FOXK1: variants seen among roughly 807,000 people sequenced by gnomAD.
FOXK1 encodes the protein forkhead box K1.
In FOXK1, 19 loss-of-function variants were observed where a neutral mutation model predicts 51.9. The observed-to-expected ratio is 0.37, with a 90% CI of 0.26 to 0.54. The LOEUF (loss-of-function observed/expected upper bound fraction) is 0.54, where lower values mean the gene tolerates loss of function less well. Ranked by LOEUF, FOXK1 falls within the 20% of genes least tolerant of loss-of-function variation. The pLI is 0.87. For synonymous variants in FOXK1, 537 were observed against 482.6 expected, an observed-to-expected ratio of 1.11 and a Z score of -1.48; for missense variants, 870 against 1,032.7, an observed-to-expected ratio of 0.84 and a Z score of 2.16.
At position 4,713,321 on chromosome 7, in the gene FOXK1, G is replaced by A. The variant is rs537008276; in HGVS notation, c.561-27517G>A. 3.7e-4 allele frequency among the ~76,000 whole-genome samples: 56 copies of A among 152,148 alleles called. 1 individual carries two copies. Among genetic ancestry groups the A allele is most frequent in the African/African-American group, 1.1e-3 (44 of 41,498 alleles). On this transcript the variant is annotated intron_variant, in intron 1 of 8. Coordinates refer to ENST00000328914, the MANE Select transcript of FOXK1 (RefSeq NM_001037165.2). ...GGGGTTGGGGCGGGCTGGGATTCCC[G>A]CTCACTGAGATTCCCGCTCACTGGG...
intron 2 of FOXK1, among the ~76,000 whole-genome samples, chr7:4,744,573 G>C (rs946699584): frequency 6.6e-6 from 1 of 152,224 alleles, no homozygotes; most frequent in African/African-American, 2.4e-5. Context: ...TGCTGCCCAG[G>C]TCAAGATTTC....
intron 1 of FOXK1, among the ~76,000 whole-genome samples, chr7:4,697,741 CTGTGTGTGTGTGTGTGTGTGTG>C (rs57978112): frequency 5.2e-5 from 7 of 135,692 alleles, no homozygotes; most frequent in South Asian, 2.6e-4. Context: ...GAAAGATAGG[CTGTGTGTGTGTGTGTGTGTGTG>C]TGTGTGTGTG....
intron 7 of FOXK1, among the ~76,000 whole-genome samples, chr7:4,760,728 G>A (rs1780920256): frequency 6.6e-6 from 1 of 152,104 alleles, no homozygotes. Context: ...GCAGGCGCCT[G>A]TAGTCCCAGC....
chr7:4,741,827 G>T (rs564726212), intron 2 of FOXK1, among the ~76,000 whole-genome samples: 10 of 152,358 alleles, frequency 6.6e-5, no homozygotes, highest in Admixed American at 2.0e-4. Context: ...TATAAACAGA[G>T]CTCTGTGTAG....
At position 4,711,246 on chromosome 7, in the gene FOXK1, G is replaced by C. The variant is rs902474082; in HGVS notation, c.560+28378G>C. Among the ~76,000 whole-genome samples the C allele has an allele frequency of 2.0e-5, 3 of 152,154 alleles. No individual in the cohort carries two copies. Among genetic ancestry groups the C allele is most frequent in the African/African-American group, 7.2e-5 (3 of 41,436 alleles). ...TGTGCCCTCCTGGGTCCCGACACCTGGGGGTGTTTTCACAGGGTGGGAAGG... is the reference window on the plus strand; with the variant it reads ...TGTGCCCTCCTGGGTCCCGACACCTCGGGGTGTTTTCACAGGGTGGGAAGG... On this transcript the variant is annotated intron_variant, in intron 1 of 8. Coordinates refer to ENST00000328914, the MANE Select transcript of FOXK1 (RefSeq NM_001037165.2). The surrounding 1 kb of genome is among the most constrained non-coding windows in gnomAD (Gnocchi z 6.3).
intron 3 of FOXK1, chr7:4,754,879 C>T (rs780166159): frequency 9.2e-5 from 54 of 585,672 alleles, no homozygotes; most frequent in Non-Finnish European, 1.3e-4. Context: ...GTTCATCTGC[C>T]GCTGGCAGCC....
intron 5 of FOXK1, 75 bp downstream of exon 5, chr7:4,757,262 C>T: frequency 4.5e-6 from 6 of 1,324,882 alleles, no homozygotes; most frequent in South Asian, 1.4e-5. Flanking sequence ...ATACGTGGCG[C>T]AGTCAGCCCT....
intron 1 of FOXK1, among the ~76,000 whole-genome samples, chr7:4,720,940 C>G (rs1306822525): frequency 6.6e-6 from 1 of 151,898 alleles, no homozygotes; most frequent in Non-Finnish European, 1.5e-5. Flanking sequence ...AAACTCAACA[C>G]ACGTGTTAGT....
Position 4,748,795 on chromosome 7 carries a change from C to T in FOXK1, c.747-5664C>T, listed in dbSNP as rs1780737628. 1.3e-5 allele frequency among the ~76,000 whole-genome samples: 2 copies of T among 152,242 alleles called. No individual in the cohort carries two copies. Among genetic ancestry groups the T allele is most frequent in the Admixed American group, 6.5e-5 (1 of 15,288 alleles). The stretch of plus-strand genomic sequence containing the variant: ...CTGGGCTCAAGCGAGCCTCCTGCCT[C>T]AGCCTCCCGAGTAGTAGGGACTACA... On this transcript the variant is annotated intron_variant, in intron 2 of 8. Transcript: ENST00000328914. This position sits in a 1 kb window ranked among gnomAD's most constrained non-coding sequence, Gnocchi z 4.9.
At chr7:4,695,611 G>T (rs1779941713) in intron 1 of FOXK1, among the ~76,000 whole-genome samples, 1 of 152,128 alleles carries the variant, frequency 6.6e-6, no homozygotes, top group Non-Finnish European at 1.5e-5. Context: ...ACACCACCCT[G>T]GCCAACATGG....
Position 4,762,250 on chromosome 7 carries a change from G to A in FOXK1, c.1988G>A (p.Arg663Gln), listed in dbSNP as rs370322820. 49 of 1,552,066 alleles carry A rather than the reference G, an allele frequency of 3.2e-5. No individual in the cohort carries two copies. Among genetic ancestry groups the A allele is most frequent in the Non-Finnish European group, 4.0e-5 (46 of 1,147,470 alleles). Reference sequence around the variant, plus strand: ...TCATCCGCGCCGGTGGTGGTCACCCGGGTGTGCGAGGTGGGGCCCAAGGAG... The same window carrying A: ...TCATCCGCGCCGGTGGTGGTCACCCAGGTGTGCGAGGTGGGGCCCAAGGAG... Reference protein sequence around the residue: ...ASSSAPVVVTRVCEVGPKEPA... With the variant: ...ASSSAPVVVTQVCEVGPKEPA... Residue 663 changes from arginine (R) to glutamine (Q), a missense_variant, in exon 9 of 9, where the codon CGG becomes CAG. Arg to Gln is a conservative substitution (Grantham distance 43). Coordinates refer to ENST00000328914, the MANE Select transcript of FOXK1 (RefSeq NM_001037165.2). This position sits in a 1 kb window ranked among gnomAD's most constrained non-coding sequence, Gnocchi z 5.7.
In FOXK1 at chr7:4,761,156, C is replaced by A; in HGVS notation, c.1789C>A (p.Pro597Thr). 1 of 1,612,824 alleles carries A rather than the reference C, an allele frequency of 6.2e-7. No homozygotes were observed. The highest frequency in any genetic ancestry group is 8.5e-7 in the Non-Finnish European group (1 of 1,180,020). The change falls in exon 8 of 9, where the codon CCC (proline) becomes ACC (threonine). Residue 597 changes from proline (P) to threonine (T), a missense_variant. Physicochemically the swap from Pro to Thr is conservative, Grantham distance 38. This residue lies in a region of FOXK1 where 457 missense variants were observed against 510.8 expected (regional missense o/e 0.89). Transcript: ENST00000328914. This position sits in a 1 kb window ranked among gnomAD's most constrained non-coding sequence, Gnocchi z 6.2. ...GGCCAGCCAGATGGCCCCCGGGGTC[C>A]CCGGACACACGGTCACCATCCTGCA... ...TVASQMAPGV[P>T]GHTVTILQPA... is the part of the protein sequence containing the mutation.
rs1340963722 is a variant in FOXK1, at chr7:4,758,978, C to T, written c.1245-73C>T. The T allele has an allele frequency of 2.7e-6, 4 of 1,473,920 alleles. No individual in the cohort carries two copies. The highest frequency in any genetic ancestry group is 1.4e-5 in the African/African-American group (1 of 71,186). 91.3% of individuals were successfully genotyped at this position (1,473,920 alleles called of 1,614,324 possible). A position where few individuals can be genotyped will look rare whatever the true frequency, so the allele number is the denominator to read the frequency against. On this transcript the variant is annotated intron_variant, in intron 5 of 8. Transcript: ENST00000328914. The surrounding 1 kb of genome is among the most constrained non-coding windows in gnomAD (Gnocchi z 4.4). ...GTGGGCGGGTGACGGCGCTGAGATGCGTGATGTCTCGGAAACGTCCTCGCA... is the reference window on the plus strand; with the variant it reads ...GTGGGCGGGTGACGGCGCTGAGATGTGTGATGTCTCGGAAACGTCCTCGCA...
rs191946739 is a variant in FOXK1, at chr7:4,729,867, G to A, written c.561-10971G>A. ...TAGCCAGGCCTGGTAGTGGGTACCAGTAATCCTAGCTACTCGGGAGGCTGA... is the reference window on the plus strand; with the variant it reads ...TAGCCAGGCCTGGTAGTGGGTACCAATAATCCTAGCTACTCGGGAGGCTGA... On this transcript the variant is annotated intron_variant, in intron 1 of 8. Transcript: ENST00000328914. This position sits in a 1 kb window ranked among gnomAD's most constrained non-coding sequence, Gnocchi z 6.2. Among the ~76,000 whole-genome samples, 1 of 152,294 alleles carries A rather than the reference G, an allele frequency of 6.6e-6. No individual in the cohort carries two copies. The highest frequency in any genetic ancestry group is 2.4e-5 in the African/African-American group (1 of 41,562).
intron 1 of FOXK1, among the ~76,000 whole-genome samples, chr7:4,725,522 G>A (rs889390691): frequency 6.6e-5 from 10 of 152,244 alleles, no homozygotes; most frequent in Non-Finnish European, 8.8e-5. Context: ...CTTTCGCTCC[G>A]CAGGAGTGAG....
rs1491309485 is a variant in FOXK1, at chr7:4,706,043, C to CATATATAT, written c.560+23175_560+23176insATATATAT. Reference sequence around the variant, plus strand: ...ATATACGTGTATATACGTGTATATACGTGTATATATGTATATATATGTGTA... The same window carrying CATATATAT: ...ATATACGTGTATATACGTGTATATACATATATATGTGTATATATGTATATATATGTGTA... On this transcript the variant is annotated intron_variant, in intron 1 of 8. Coordinates refer to ENST00000328914, the MANE Select transcript of FOXK1 (RefSeq NM_001037165.2). 4.5e-4 allele frequency among the ~76,000 whole-genome samples: 43 copies of CATATATAT among 95,198 alleles called. 2 individuals carry two copies. The highest frequency in any genetic ancestry group is 1.3e-3 in the African/African-American group (15 of 11,328). 62.5% of individuals were successfully genotyped at this position (95,198 alleles called of 152,430 possible). A position where few individuals can be genotyped will look rare whatever the true frequency, so the allele number is the denominator to read the frequency against.
chr7:4,694,373 T>C (rs552261907), intron 1 of FOXK1, among the ~76,000 whole-genome samples: 2 of 152,276 alleles, frequency 1.3e-5, no homozygotes, highest in African/African-American at 4.8e-5. Context: ...ATAGGAACTC[T>C]TGGAGGAAAT....
chr7:4,766,895 G>C lies in FOXK1; in HGVS notation c.*4431G>C, dbSNP rs1174903291. The C allele has an allele frequency of 6.6e-6, 1 of 152,234 alleles. No individual in the cohort carries two copies. The highest frequency in any genetic ancestry group is 1.5e-5 in the Non-Finnish European group (1 of 68,054). The allele number at this position is 152,234 out of a possible 1,614,324, so 9.4% of individuals were successfully genotyped here. A position where few individuals can be genotyped will look rare whatever the true frequency, so the allele number is the denominator to read the frequency against. ...TGAGAGAGAGAGAAATCCCTTCTTT[G>C]GGCGATTCAGTGAGTTCAGGAGGAG... On this transcript the variant is annotated 3_prime_UTR_variant, in exon 9 of 9. Transcript: ENST00000328914. This position sits in a 1 kb window ranked among gnomAD's most constrained non-coding sequence, Gnocchi z 5.5.
rs1780829754 is a variant in FOXK1 at position 4,755,137 on chromosome 7, A to T, written c.904-100A>T. 4.7e-6 allele frequency: 7 copies of T among 1,479,752 alleles called. No homozygotes were observed. The African/African-American group carries it at 8.3e-5, about 18-fold the overall frequency. The allele number at this position is 1,479,752 out of a possible 1,614,324, so 91.7% of individuals were successfully genotyped here. A position where few individuals can be genotyped will look rare whatever the true frequency, so the allele number is the denominator to read the frequency against. ...GGACGGGTGCCGGCAAGACGCGCAC[A>T]TTCTCGTGGGAAGGTTCCTCCCCAT... On this transcript the variant is annotated intron_variant, in intron 3 of 8. Transcript: ENST00000328914. This position sits in a 1 kb window ranked among gnomAD's most constrained non-coding sequence, Gnocchi z 6.6.
Sources: gnomAD v4.1 joint callset for allele counts (sites outside exome capture counted in the v4.1 genomes callset) on GRCh38, gnomAD v4.1.1 for gene constraint, gnomAD v4.1.1 regional missense constraint, Gnocchi (gnomAD v3.1) non-coding constraint, MANE v1.5 for transcripts, NCBI Gene and HGNC (gene_info 2026-07-23, HGNC 2026-07-21) for gene names.